Variants in TMPRSS6 observed in about 807,000 individuals in gnomAD.
The protein encoded by TMPRSS6 is transmembrane protease serine 6.
A neutral mutation model predicts 101.5 loss-of-function variants in TMPRSS6; 67 were observed. The ratio of observed to expected loss-of-function variants is 0.66; its 90% CI spans 0.54 to 0.81. The LOEUF (loss-of-function observed/expected upper bound fraction) is 0.81. TMPRSS6 is among the 30% of genes least tolerant of loss of function. TMPRSS6 has a pLI of 0.00. For synonymous variants in TMPRSS6, 453 were observed against 464.9 expected (o/e 0.97, Z 0.33); for missense variants, 1,034 against 1,088.7 (o/e 0.95, Z 0.71).
chr22:37,097,302 G>A (rs962801573), intron 3 of TMPRSS6, among the ~76,000 whole-genome samples: 8 of 152,210 alleles, frequency 5.3e-5, no homozygotes, highest in African/African-American at 1.9e-4. Flanking sequence ...GGGGCAAGTG[G>A]TTTATTTGGA....
chr22:37,086,500 G>C, intron 7 of TMPRSS6, 81 bp from the exon 8 acceptor site: 4 of 1,426,358 alleles, frequency 2.8e-6, no homozygotes, highest in Non-Finnish European at 3.9e-6. Flanking sequence ...GCTGCTGGGG[G>C]AGGGTGGACG....
At chr22:37,094,381 T>TGACAGATA (rs751016869) in intron 6 of TMPRSS6, among the ~76,000 whole-genome samples, 72 of 131,046 alleles carry the variant, frequency 5.5e-4, no homozygotes, top group Non-Finnish European at 8.5e-4. Context: ...TAATGATTGA[T>TGACAGATA]GATAGATAGA....
chr22:37,085,972 G>A (rs552615377), intron 8 of TMPRSS6, among the ~76,000 whole-genome samples: 23 of 152,012 alleles, frequency 1.5e-4, no homozygotes, highest in African/African-American at 4.6e-4. Context: ...GAGGAGAGGC[G>A]GTCAGCACAG....
chr22:37,077,012 G>A (rs549257107), intron 10 of TMPRSS6, among the ~76,000 whole-genome samples: 2 of 152,312 alleles, frequency 1.3e-5, no homozygotes, highest in African/African-American at 4.8e-5. Flanking sequence ...GCACTTAACC[G>A]TTCAATAAGT....
At position 37,084,658 on chromosome 22, in the gene TMPRSS6, C is replaced by T. The variant is rs573384671; in HGVS notation, c.1086+69G>A. On this transcript the variant is annotated intron_variant, in intron 9 of 17. Transcript: ENST00000676104. ...GAGGCGGGACACTGCCCCCTCTCATCCCGGGTCACCAGGGACCTGTAGTGT... is the reference window on the plus strand; with the variant it reads ...GAGGCGGGACACTGCCCCCTCTCATTCCGGGTCACCAGGGACCTGTAGTGT... 2.1e-5 allele frequency: 29 copies of T among 1,356,470 alleles called. No individual in the cohort carries two copies. The African/African-American group carries it at 4.0e-4, about 19-fold the overall frequency. 84.0% of individuals were successfully genotyped at this position (1,356,470 alleles called of 1,614,324 possible). A position where few individuals can be genotyped will look rare whatever the true frequency, so the allele number is the denominator to read the frequency against.
Position 37,103,069 on chromosome 22 carries a change from C to A in TMPRSS6, c.202+147G>T. ...CCAGCTGGAAGGACAGGGAGGGAGA[C>A]CCAGAGAACAGAAGTGACTTGCCCA... On this transcript the variant is annotated intron_variant, in intron 2 of 17. Transcript: ENST00000676104. The surrounding 1 kb of genome is among the most constrained non-coding windows in gnomAD (Gnocchi z 4.4). 1.2e-6 allele frequency: 1 copy of A among 825,078 alleles called. No homozygotes were observed. The highest frequency in any genetic ancestry group is 2.0e-6 in the Non-Finnish European group (1 of 502,396). 51.1% of individuals were successfully genotyped at this position (825,078 alleles called of 1,614,324 possible).
chr22:37,106,990 C>T (rs1930754281), intron 1 of TMPRSS6, among the ~76,000 whole-genome samples: 1 of 152,264 alleles, frequency 6.6e-6, no homozygotes, highest in South Asian at 2.1e-4. Context: ...CTGTCCCCTA[C>T]AGAACAGGCA....
chr22:37,082,982 G>A (rs1488715085), intron 10 of TMPRSS6: 1 of 470,998 alleles, frequency 2.1e-6, no homozygotes, highest in East Asian at 6.9e-5. Context: ...CAAATTACAA[G>A]TGTTGGTGAT....
intron 6 of TMPRSS6, among the ~76,000 whole-genome samples, 200 bp downstream of exon 6, chr22:37,095,351 G>A (rs533468418): frequency 2.0e-5 from 3 of 151,998 alleles, no homozygotes; most frequent in Non-Finnish European, 4.4e-5. Context: ...ACGCATGCAC[G>A]TCGCCACCTC....
rs1056338558 is a variant in TMPRSS6 at position 37,075,404 on chromosome 22, C to T, written c.1197-124G>A. On this transcript the variant is annotated intron_variant, in intron 10 of 17. Coordinates refer to ENST00000676104, the MANE Select transcript of TMPRSS6 (RefSeq NM_001374504.1). Reference sequence around the variant, plus strand: ...CTGCACGCCCGCTGTGCCTCCTCTGCCCTGATTTCTCCCTTAGATGAGTGC... The same window carrying T: ...CTGCACGCCCGCTGTGCCTCCTCTGTCCTGATTTCTCCCTTAGATGAGTGC... The T allele has an allele frequency of 4.5e-6, 6 of 1,325,370 alleles. No homozygotes were observed. In the Admixed American group the frequency reaches 9.9e-5, roughly 22 times the overall value. 82.1% of individuals were successfully genotyped at this position (1,325,370 alleles called of 1,614,324 possible).
rs1040755132 is a variant in TMPRSS6 at position 37,078,977 on chromosome 22, G to A, written c.1197-3697C>T. ...AAAAAGAGAAAGAAAGAAAGAAAAAGAAAGAAAGAAAGAAAGAAAGAAAGA... is the reference window on the plus strand; with the variant it reads ...AAAAAGAGAAAGAAAGAAAGAAAAAAAAAGAAAGAAAGAAAGAAAGAAAGA... On this transcript the variant is annotated intron_variant, in intron 10 of 17. Coordinates refer to ENST00000676104, the MANE Select transcript of TMPRSS6 (RefSeq NM_001374504.1). Among the ~76,000 whole-genome samples, 8 of 138,284 alleles carry A rather than the reference G, an allele frequency of 5.8e-5. No homozygotes were observed. In the East Asian group the frequency reaches 1.0e-3, roughly 17 times the overall value. The allele number at this position is 138,284 out of a possible 152,430, so 90.7% of individuals were successfully genotyped here. A position where few individuals can be genotyped will look rare whatever the true frequency, so the allele number is the denominator to read the frequency against.
At chr22:37,099,594 G>A (rs991417359) in intron 2 of TMPRSS6, among the ~76,000 whole-genome samples, 15 of 152,154 alleles carry the variant, frequency 9.9e-5, no homozygotes, top group African/African-American at 3.4e-4. Context: ...GCAAAACAAC[G>A]GACAGAACTA....
Position 37,089,604 on chromosome 22 carries a change from C to A in TMPRSS6, c.810G>T (p.Gly270=), listed in dbSNP as rs747819145. 12 of 1,478,654 alleles carry A rather than the reference C, an allele frequency of 8.1e-6. No individual in the cohort carries two copies. In the Admixed American group the frequency reaches 2.1e-4, roughly 26 times the overall value. The allele number at this position is 1,478,654 out of a possible 1,614,324, so 91.6% of individuals were successfully genotyped here. A position where few individuals can be genotyped will look rare whatever the true frequency, so the allele number is the denominator to read the frequency against. The change falls in exon 7 of 18, where the codon GGG becomes GGT. Residue 270 remains glycine (G), a synonymous_variant. Transcript: ENST00000676104. ...AGGTGATGAGCCTCTTCTCCAGGGG[C>A]CCGGCCACGTCATACATGGCCAGTC... ...RDRLAMYDVA[G]PLEKRLITSV...
intron 6 of TMPRSS6, among the ~76,000 whole-genome samples, chr22:37,093,600 G>A (rs1261049052): frequency 6.7e-6 from 1 of 149,670 alleles, no homozygotes; most frequent in African/African-American, 2.4e-5. Flanking sequence ...ACGGGGTTTC[G>A]CCTTCTTGGC....
At chr22:37,077,929 A>G (rs1002409816) in intron 10 of TMPRSS6, among the ~76,000 whole-genome samples, 6 of 152,240 alleles carry the variant, frequency 3.9e-5, no homozygotes, top group Middle Eastern at 3.4e-3. Flanking sequence ...ACCCCCGACC[A>G]TGGTTCCCCC....
chr22:37,072,549 AATGGATGGATG>A (rs1927138730), intron 13 of TMPRSS6, among the ~76,000 whole-genome samples: 1 of 80,064 alleles, frequency 1.2e-5, no homozygotes, highest in Non-Finnish European at 2.5e-5. Context: ...ATGATGGATG[AATGGATGGATG>A]ATGGATGGAT....
chr22:37,075,079 G>T, intron 11 of TMPRSS6, 56 bp downstream of exon 11: 4 of 1,613,298 alleles, frequency 2.5e-6, no homozygotes, highest in Non-Finnish European at 3.4e-6. Flanking sequence ...TGGTTCCAGG[G>T]ATGGCCAAGA....
At chr22:37,085,805 G>GT (rs1259040035) in intron 8 of TMPRSS6, among the ~76,000 whole-genome samples, 1 of 152,132 alleles carries the variant, frequency 6.6e-6, no homozygotes, top group Non-Finnish European at 1.5e-5. Context: ...CCTCTTGGCT[G>GT]TAAGCGGACT....
At chr22:37,075,599 C>G (rs576284747) in intron 10 of TMPRSS6, among the ~76,000 whole-genome samples, 2 of 152,178 alleles carry the variant, frequency 1.3e-5, no homozygotes, top group South Asian at 2.1e-4. Context: ...TCACCTTCCT[C>G]CCTTATAAAA....
Sources: gnomAD v4.1 joint callset for allele counts (sites outside exome capture counted in the v4.1 genomes callset) on GRCh38, gnomAD v4.1.1 for gene constraint, Gnocchi (gnomAD v3.1) non-coding constraint, MANE v1.5 for transcripts, NCBI Gene and HGNC (gene_info 2026-07-23, HGNC 2026-07-21) for gene names.